The following WBP1L variants were observed in gnomAD, a reference collection of about 807,000 sequenced individuals.
WBP1L encodes WW domain binding protein 1 like.
WBP1L carries 17 observed loss-of-function variants against 33.7 expected under a neutral mutation model. That is an observed-to-expected ratio of 0.50 (90% CI 0.34 to 0.76). The LOEUF (loss-of-function observed/expected upper bound fraction) is 0.76, where lower values mean the gene tolerates loss of function less well. WBP1L is among the 30% of genes least tolerant of loss of function. The probability of loss-of-function intolerance (pLI) is 0.01; values close to 1 mark genes in which losing one functional copy is unlikely to be tolerated. For synonymous variants in WBP1L, 173 were observed against 190.8 expected (o/e 0.91, Z 0.77); for missense variants, 389 against 469.4 (o/e 0.83, Z 1.58).
intron 2 of WBP1L, among the ~76,000 whole-genome samples, chr10:102,803,343 T>C (rs1843684541): frequency 6.6e-6 from 1 of 152,192 alleles, no homozygotes; most frequent in Non-Finnish European, 1.5e-5. Context: ...TCCTGCCAGT[T>C]GAAGAGTGGT....
At chr10:102,791,351 T>G (rs1843495037) in intron 1 of WBP1L, among the ~76,000 whole-genome samples, 1 of 152,210 alleles carries the variant, frequency 6.6e-6, no homozygotes, top group African/African-American at 2.4e-5. Context: ...TACCCAGCTA[T>G]ATTGCCAGAA....
rs146098584 is a variant in WBP1L, at chr10:102,812,925, C to T, written c.686C>T (p.Pro229Leu). ...GTGGCTGGCCTGGGGGAGCTGGACC[C>T]GGGGGCCTTCCTGGACAAAGATGCA... is the stretch of plus-strand genomic sequence containing the variant. ...GSVAGLGELDPGAFLDKDAEC... is the reference protein window; with the variant it reads ...GSVAGLGELDLGAFLDKDAEC... Residue 229 changes from proline (P) to leucine (L), a missense_variant, in exon 4 of 4, where the codon CCG becomes CTG. Pro to Leu is a moderately conservative substitution (Grantham distance 98, BLOSUM62 -3). Transcript: ENST00000448841. 1.9e-4 allele frequency: 297 copies of T among 1,590,318 alleles called. No individual in the cohort carries two copies. In the African/African-American group the frequency reaches 3.4e-3, roughly 18 times the overall value.
intron 1 of WBP1L, among the ~76,000 whole-genome samples, chr10:102,751,775 A>C (rs1842926369): frequency 6.6e-6 from 1 of 152,150 alleles, no homozygotes; most frequent in Non-Finnish European, 1.5e-5. Flanking sequence ...TCCAAATTTG[A>C]TACTGTCCTT....
chr10:102,773,012 G>A (rs898709474), intron 1 of WBP1L, among the ~76,000 whole-genome samples: 29 of 151,412 alleles, frequency 1.9e-4, no homozygotes, highest in African/African-American at 7.0e-4. Context: ...TTTGAAGAAG[G>A]ATTTACCCTA....
intron 1 of WBP1L, among the ~76,000 whole-genome samples, chr10:102,754,724 C>T (rs769078921): frequency 2.6e-5 from 4 of 151,556 alleles, no homozygotes; most frequent in South Asian, 2.1e-4. Flanking sequence ...TGTTTTTTAG[C>T]GTCAGGGTCT....
chr10:102,808,508 C>CCG (rs1843773704), intron 2 of WBP1L, among the ~76,000 whole-genome samples: 2 of 149,868 alleles, frequency 1.3e-5, no homozygotes, highest in African/African-American at 4.9e-5. Context: ...GGCCTCTGTT[C>CCG]CGCCACCCTT....
chr10:102,788,233 A>G (rs1352298613), intron 1 of WBP1L, among the ~76,000 whole-genome samples: 1 of 147,514 alleles, frequency 6.8e-6, no homozygotes, highest in African/African-American at 2.5e-5. Flanking sequence ...GGTTCATGCC[A>G]TTCTCCTGCC....
At chr10:102,791,180 T>A (rs2150929) in intron 1 of WBP1L, among the ~76,000 whole-genome samples, 77,709 of 151,966 alleles carry the variant, frequency 0.51, 21,059 homozygotes, top group Middle Eastern at 0.63. Context: ...ACTTTCTAGG[T>A]CAACTGGAAA....
chr10:102,809,616 A>AC (rs1843799007), intron 2 of WBP1L, among the ~76,000 whole-genome samples: 1 of 151,590 alleles, frequency 6.6e-6, no homozygotes, highest in South Asian at 2.1e-4. Context: ...CAAGTGATCC[A>AC]CCCATCTTGG....
At chr10:102,748,430 A>G (rs1842890530) in intron 1 of WBP1L, among the ~76,000 whole-genome samples, 1 of 151,974 alleles carries the variant, frequency 6.6e-6, no homozygotes, top group South Asian at 2.1e-4. Context: ...CTCCTTTCTT[A>G]CAAATGGTAT....
intron 1 of WBP1L, among the ~76,000 whole-genome samples, chr10:102,761,167 TCTCA>T (rs1843035909): frequency 6.8e-6 from 1 of 147,066 alleles, no homozygotes; most frequent in Admixed American, 6.9e-5. Context: ...TGAGACGGAG[TCTCA>T]CTCTGCTGCC....
chr10:102,794,488 C>G (rs573458243), intron 1 of WBP1L, among the ~76,000 whole-genome samples: 3 of 152,164 alleles, frequency 2.0e-5, no homozygotes, highest in South Asian at 4.2e-4. Context: ...TCCCCACCCC[C>G]ACAAAAGAAA....
intron 1 of WBP1L, among the ~76,000 whole-genome samples, chr10:102,781,859 T>C (rs1843340707): frequency 8.1e-6 from 1 of 123,704 alleles, no homozygotes; most frequent in Admixed American, 9.9e-5. Context: ...CCTTTCAGGT[T>C]AATTTTTTTT....
chr10:102,781,581 A>C (rs1280567212), intron 1 of WBP1L, among the ~76,000 whole-genome samples: 1 of 152,102 alleles, frequency 6.6e-6, no homozygotes, highest in Non-Finnish European at 1.5e-5. Flanking sequence ...CTCTGTGCAC[A>C]GCAGAGGACC....
chr10:102,745,235 G>C (rs182998785), intron 1 of WBP1L, among the ~76,000 whole-genome samples: 1 of 152,280 alleles, frequency 6.6e-6, no homozygotes, highest in East Asian at 1.9e-4. Context: ...AGGAGTTTTA[G>C]GGCTGCCTTT....
rs1326167623 is a variant in WBP1L at position 102,815,358 on chromosome 10, T to A, written c.*2027T>A. 1 of 152,720 alleles carries A rather than the reference T, an allele frequency of 6.5e-6. No individual in the cohort carries two copies. The highest frequency in any genetic ancestry group is 6.5e-5 in the Admixed American group (1 of 15,288). 9.5% of individuals were successfully genotyped at this position (152,720 alleles called of 1,614,324 possible). ...AATGGAAGCGTGCTCTGAGCCTGTC[T>A]GCCTCCCTCGGCTGCTGCTGGTCCT... is the stretch of plus-strand genomic sequence containing the variant. On this transcript the variant is annotated 3_prime_UTR_variant, in exon 4 of 4. Coordinates refer to ENST00000448841, the MANE Select transcript of WBP1L (RefSeq NM_001083913.2).
intron 1 of WBP1L, among the ~76,000 whole-genome samples, chr10:102,791,973 A>T (rs1362438272): frequency 6.6e-6 from 1 of 152,222 alleles, no homozygotes; most frequent in Non-Finnish European, 1.5e-5. Context: ...CTCAGCTAAG[A>T]ATAGCAACTG....
chr10:102,785,247 G>C (rs1158348785), intron 1 of WBP1L, among the ~76,000 whole-genome samples: 2 of 144,700 alleles, frequency 1.4e-5, no homozygotes, highest in Admixed American at 7.3e-5. Flanking sequence ...GAGTGCAGTA[G>C]TGCGATTTCG....
chr10:102,813,508 G>A lies in WBP1L; in HGVS notation c.*177G>A. 1 of 866,620 alleles carries A rather than the reference G, an allele frequency of 1.2e-6. No individual in the cohort carries two copies. The highest frequency in any genetic ancestry group is 2.7e-5 in the East Asian group (1 of 37,250). 53.7% of individuals were successfully genotyped at this position (866,620 alleles called of 1,614,324 possible). A position where few individuals can be genotyped will look rare whatever the true frequency, so the allele number is the denominator to read the frequency against. ...CATCTCCAGGTACAGTTCGGGGTGTGGATGCCTCTTCCTCCACAAGGGCAC... is the reference window on the plus strand; with the variant it reads ...CATCTCCAGGTACAGTTCGGGGTGTAGATGCCTCTTCCTCCACAAGGGCAC... On this transcript the variant is annotated 3_prime_UTR_variant, in exon 4 of 4. Transcript: ENST00000448841.
Sources: gnomAD v4.1 joint callset for allele counts (sites outside exome capture counted in the v4.1 genomes callset) on GRCh38, gnomAD v4.1.1 for gene constraint, MANE v1.5 for transcripts, NCBI Gene and HGNC (gene_info 2026-07-23, HGNC 2026-07-21) for gene names.